HP1BP3: variants seen among roughly 807,000 people sequenced by gnomAD.
HP1BP3 encodes the protein heterochromatin protein 1 binding protein 3.
HP1BP3 carries 12 observed loss-of-function variants against 62.5 expected under a neutral mutation model. The observed-to-expected ratio is 0.19, with a 90% CI of 0.12 to 0.31. The LOEUF (loss-of-function observed/expected upper bound fraction) is 0.31, where lower values mean the gene tolerates loss of function less well. Ranked by LOEUF, HP1BP3 falls within the 10% of genes least tolerant of loss-of-function variation. The pLI, the probability that HP1BP3 is intolerant of heterozygous loss-of-function variation, is 1.00. For missense variants in HP1BP3, 502 were observed against 651.8 expected, an observed-to-expected ratio of 0.77 and a Z score of 2.50; for synonymous variants, 260 against 237.8, an observed-to-expected ratio of 1.09 and a Z score of -0.86.
In HP1BP3 at chr1:20,749,825, A is replaced by T; in HGVS notation, c.1039T>A (p.Leu347Met). The stretch of plus-strand genomic sequence containing the variant: ...TCATTCATGGCAGCAATGGCAGACA[A>T]GATTGCATATTCCATCAGGCTTCCA... ...LGGSLMEYAI[L>M]SAIAAMNEPK... Residue 347 changes from leucine (L) to methionine (M), a missense_variant, in exon 10 of 13, where the codon TTG (leucine) becomes ATG (methionine). Leu to Met is a conservative substitution (Grantham distance 15, BLOSUM62 2). This residue lies in a region of HP1BP3 where 111 missense variants were observed against 242.0 expected (regional missense o/e 0.46). Coordinates refer to ENST00000438032, the MANE Select transcript of HP1BP3 (RefSeq NM_001372052.1). 6.2e-7 allele frequency: 1 copy of T among 1,614,174 alleles called. No individual in the cohort carries two copies.
In HP1BP3 at chr1:20,749,281, G is replaced by A. The variant is rs148935610; in HGVS notation, c.1141+442C>T. On this transcript the variant is annotated intron_variant, in intron 10 of 12. Coordinates refer to ENST00000438032, the MANE Select transcript of HP1BP3 (RefSeq NM_001372052.1). The stretch of plus-strand genomic sequence containing the variant: ...TTGTAAATATGAAATTTGTAAAGCT[G>A]TTCCCTCTTGGTTTTCAGTCAGTAG... 4.7e-5 allele frequency among the ~76,000 whole-genome samples: 7 copies of A among 150,114 alleles called. No homozygotes were observed. The East Asian group carries it at 1.2e-3, about 25-fold the overall frequency.
intron 9 of HP1BP3, chr1:20,755,244 G>T: frequency 3.1e-6 from 1 of 322,698 alleles, no homozygotes; most frequent in Non-Finnish European, 6.6e-6. Context: ...TAATAAAAAA[G>T]AGTAACAAAC....
intron 8 of HP1BP3, among the ~76,000 whole-genome samples, chr1:20,763,291 C>T (rs1000394531): frequency 3.3e-5 from 5 of 152,184 alleles, no homozygotes; most frequent in African/African-American, 1.2e-4. Context: ...CATCATATAA[C>T]GCATTTTTGA....
chr1:20,763,263 T>C (rs1311021543), intron 8 of HP1BP3, among the ~76,000 whole-genome samples: 2 of 152,230 alleles, frequency 1.3e-5, no homozygotes, highest in East Asian at 1.9e-4. Flanking sequence ...TAGTGAAATA[T>C]GTTTCCATCT....
At chr1:20,764,714 C>G (rs990020018) in intron 8 of HP1BP3, among the ~76,000 whole-genome samples, 1 of 140,500 alleles carries the variant, frequency 7.1e-6, no homozygotes, top group African/African-American at 2.6e-5. Context: ...AAAAACCACA[C>G]AAAAAACAAA....
At chr1:20,777,804 A>G (rs573434170) in intron 3 of HP1BP3, among the ~76,000 whole-genome samples, 9 of 152,346 alleles carry the variant, frequency 5.9e-5, no homozygotes, top group East Asian at 1.9e-4. Flanking sequence ...ACCAAATCAC[A>G]TAAGTACAAT....
chr1:20,776,864 A>G, intron 3 of HP1BP3, 114 bp from the exon 4 acceptor site: 1 of 850,894 alleles, frequency 1.2e-6, no homozygotes, highest in Non-Finnish European at 1.7e-6. Flanking sequence ...TTAACAAATG[A>G]ATTCTAAAAT....
intron 1 of HP1BP3, among the ~76,000 whole-genome samples, chr1:20,784,939 G>A (rs1427701273): frequency 1.3e-5 from 2 of 152,084 alleles, no homozygotes. Flanking sequence ...AATTAAATCG[G>A]TTGTTTATTT....
chr1:20,769,181 T>G (rs1388224934), intron 6 of HP1BP3, among the ~76,000 whole-genome samples: 1 of 152,194 alleles, frequency 6.6e-6, no homozygotes, highest in Non-Finnish European at 1.5e-5. Flanking sequence ...TGTTAGCTCA[T>G]AGCTCAACTC....
intron 8 of HP1BP3, among the ~76,000 whole-genome samples, chr1:20,761,542 T>G (rs61778531): frequency 1.8e-3 from 1 of 552 alleles, no homozygotes; most frequent in Non-Finnish European, 5.6e-3. Context: ...GTGGGGATCA[T>G]TAAATGTTTT....
chr1:20,745,060 C>T lies in HP1BP3; in HGVS notation c.1399G>A (p.Gly467Arg), dbSNP rs2055224581. ...LQKKTPAKSP[G>R]KAASVKQRGS... Reference sequence around the variant, plus strand: ...CTCTGCTTCACAGATGCGGCCTTCCCTGGGGACTTGGCTGGGGTTTTCTTC... The same window carrying T: ...CTCTGCTTCACAGATGCGGCCTTCCTTGGGGACTTGGCTGGGGTTTTCTTC... The change falls in exon 13 of 13, where the codon GGG becomes AGG. Residue 467 changes from glycine to arginine, a missense_variant. Gly to Arg is a moderately radical substitution (Grantham distance 125). Transcript: ENST00000438032. 6.2e-7 allele frequency: 1 copy of T among 1,612,268 alleles called. No homozygotes were observed. Among genetic ancestry groups the T allele is most frequent in the Non-Finnish European group, 8.5e-7 (1 of 1,179,524 alleles).
chr1:20,758,305 G>A (rs1276087922), intron 8 of HP1BP3, among the ~76,000 whole-genome samples: 1 of 152,108 alleles, frequency 6.6e-6, no homozygotes. Flanking sequence ...ATTCTAAGAA[G>A]TGCTTCGCAC....
At chr1:20,771,701 G>A (rs2057067959) in intron 5 of HP1BP3, among the ~76,000 whole-genome samples, 1 of 152,144 alleles carries the variant, frequency 6.6e-6, no homozygotes, top group Non-Finnish European at 1.5e-5. Flanking sequence ...AGCTCATTAT[G>A]TCACAAAGGC....
At chr1:20,778,672 A>G (rs917608726) in intron 3 of HP1BP3, among the ~76,000 whole-genome samples, 3 of 152,178 alleles carry the variant, frequency 2.0e-5, no homozygotes, top group African/African-American at 7.2e-5. Context: ...AATTGCTTAT[A>G]GCATTCATCT....
intron 9 of HP1BP3, among the ~76,000 whole-genome samples, chr1:20,755,080 C>T (rs781754001): frequency 5.3e-5 from 8 of 151,980 alleles, no homozygotes; most frequent in Non-Finnish European, 1.2e-4. Context: ...AATAACCAAC[C>T]CCCTTTTAAA....
Position 20,776,728 on chromosome 1 carries a change from T to G in HP1BP3, c.219A>C (p.Glu73Asp), listed in dbSNP as rs200874939. Residue 73 changes from glutamate (E) to aspartate (D), a missense_variant, in exon 4 of 13, where the codon GAA becomes GAC. Glu to Asp is a conservative substitution (Grantham distance 45). Transcript: ENST00000438032. ...CTTGTTCTTCTACAGTGGAGACAGATTCCTCTGAACTTATGTCTGGTTCTA... is the reference window on the plus strand; with the variant it reads ...CTTGTTCTTCTACAGTGGAGACAGAGTCCTCTGAACTTATGTCTGGTTCTA... ...EKPEPDISSE[E>D]SVSTVEEQEN... 6.2e-7 allele frequency: 1 copy of G among 1,613,104 alleles called. No individual in the cohort carries two copies.
At chr1:20,784,540 G>A (rs1263003111) in intron 1 of HP1BP3, among the ~76,000 whole-genome samples, 1 of 147,138 alleles carries the variant, frequency 6.8e-6, no homozygotes, top group Non-Finnish European at 1.5e-5. Flanking sequence ...GTGCGGTGGC[G>A]CGATCTCGGC....
chr1:20,753,022 A>G (rs1352646377), intron 9 of HP1BP3, among the ~76,000 whole-genome samples: 1 of 151,956 alleles, frequency 6.6e-6, no homozygotes, highest in East Asian at 1.9e-4. Context: ...GCTTACTGCA[A>G]CCTCTGCCTC....
Position 20,787,250 on chromosome 1 carries a change from C to A in HP1BP3, c.-156G>T. On this transcript the variant is annotated 5_prime_UTR_variant, in exon 1 of 13. Coordinates refer to ENST00000438032, the MANE Select transcript of HP1BP3 (RefSeq NM_001372052.1). ...TCCCGCACGGCCTCTCGGCGCCGCT[C>A]CCGCCGCCGCTAGTCGCCTCCGCCA... 6.6e-6 allele frequency: 1 copy of A among 152,256 alleles called. No individual in the cohort carries two copies. Among genetic ancestry groups the A allele is most frequent in the South Asian group, 1.8e-4 (1 of 5,428 alleles). 9.4% of individuals were successfully genotyped at this position (152,256 alleles called of 1,614,324 possible).
Sources: allele counts gnomAD v4.1 joint callset (sites outside exome capture counted in the v4.1 genomes callset), GRCh38; gene constraint gnomAD v4.1.1; regional missense constraint gnomAD v4.1.1; transcripts MANE v1.5; gene names NCBI Gene and HGNC (gene_info 2026-07-23, HGNC 2026-07-21).